Variants in ST3GAL1 observed in about 807,000 individuals in gnomAD.
ST3GAL1 encodes the protein CMP-N-acetylneuraminate-beta-galactosamide-alpha-2,3-sialyltransferase 1.
ST3GAL1 carries 16 observed loss-of-function variants against 34.1 expected under a neutral mutation model. The observed-to-expected ratio is 0.47, with a 90% CI of 0.32 to 0.71. ST3GAL1 has a LOEUF of 0.71. Among genes scored for constraint, ST3GAL1 ranks in the 30% least tolerant of loss-of-function variants. The pLI is 0.04. For missense variants in ST3GAL1, 353 were observed against 447.4 expected (o/e 0.79, Z 1.90); for synonymous variants, 191 against 184.7 (o/e 1.03, Z -0.28).
At chr8:133,486,670 CCTT>C (rs1244418815) in intron 3 of ST3GAL1, among the ~76,000 whole-genome samples, 1 of 152,178 alleles carries the variant, frequency 6.6e-6, no homozygotes, top group African/African-American at 2.4e-5. Context: ...ACATTTCTCT[CCTT>C]ATGTCGATTA....
chr8:133,464,684 C>A (rs1444913391), intron 7 of ST3GAL1, 94 bp downstream of exon 7: 1 of 1,426,736 alleles, frequency 7.0e-7, no homozygotes, highest in Non-Finnish European at 9.5e-7. Flanking sequence ...GGGAGGCACC[C>A]CGGTGGAGGC....
At chr8:133,488,878 A>G (rs1284294992) in intron 3 of ST3GAL1, among the ~76,000 whole-genome samples, 1 of 151,622 alleles carries the variant, frequency 6.6e-6, no homozygotes, top group Non-Finnish European at 1.5e-5. Context: ...AGGGGGGGCC[A>G]GGCAAGGTCT....
chr8:133,466,212 G>A lies in ST3GAL1; in HGVS notation c.307-122C>T. 1 of 996,016 alleles carries A rather than the reference G, an allele frequency of 1.0e-6. No individual in the cohort carries two copies. The highest frequency in any genetic ancestry group is 1.5e-6 in the Non-Finnish European group (1 of 688,222). 61.7% of individuals were successfully genotyped at this position (996,016 alleles called of 1,614,324 possible). On this transcript the variant is annotated intron_variant, in intron 5 of 9. Coordinates refer to ENST00000522652, the MANE Select transcript of ST3GAL1 (RefSeq NM_173344.3). The surrounding 1 kb of genome is among the most constrained non-coding windows in gnomAD (Gnocchi z 4.4). The stretch of plus-strand genomic sequence containing the variant: ...CTCCTGTTCACCCTTCTCTCTGCTG[G>A]GCCCCCGGAGATGGAGGCGGCTCAC...
rs533966224 is a variant in ST3GAL1 at position 133,469,512 on chromosome 8, C to A, written c.307-3422G>T. Among the ~76,000 whole-genome samples, 1 of 152,288 alleles carries A rather than the reference C, an allele frequency of 6.6e-6. No homozygotes were observed. Among genetic ancestry groups the A allele is most frequent in the Admixed American group, 6.5e-5 (1 of 15,312 alleles). The stretch of plus-strand genomic sequence containing the variant: ...GGGATTATAGGTGTGAGCCACCATG[C>A]CTGGCCAAATAATAAAAATAAACTT... On this transcript the variant is annotated intron_variant, in intron 5 of 9. Transcript: ENST00000522652. This position sits in a 1 kb window ranked among gnomAD's most constrained non-coding sequence, Gnocchi z 4.3.
intron 1 of ST3GAL1, among the ~76,000 whole-genome samples, chr8:133,565,636 G>A (rs1167211831): frequency 6.6e-6 from 1 of 152,198 alleles, no homozygotes; most frequent in Non-Finnish European, 1.5e-5. Context: ...ACTACTGGGT[G>A]TACATTAAAC....
intron 1 of ST3GAL1, among the ~76,000 whole-genome samples, chr8:133,552,020 G>T (rs1201056096): frequency 1.3e-5 from 2 of 152,184 alleles, no homozygotes; most frequent in Non-Finnish European, 2.9e-5. Context: ...TGTAAAGTCT[G>T]GGACTAACAC....
chr8:133,562,569 A>C (rs1347398519), intron 1 of ST3GAL1, among the ~76,000 whole-genome samples: 1 of 151,990 alleles, frequency 6.6e-6, no homozygotes, highest in Non-Finnish European at 1.5e-5. Context: ...CTGAGGGCCA[A>C]CTCGGGTCAG....
intron 2 of ST3GAL1, among the ~76,000 whole-genome samples, chr8:133,499,686 A>G (rs1304414902): frequency 6.6e-6 from 1 of 152,154 alleles, no homozygotes; most frequent in Non-Finnish European, 1.5e-5. Context: ...CCTTTCACAT[A>G]CATTATTTAG....
chr8:133,455,315 G>A lies in ST3GAL1; in HGVS notation c.*4449C>T, dbSNP rs1815259003. On this transcript the variant is annotated 3_prime_UTR_variant, in exon 10 of 10. Transcript: ENST00000522652. The stretch of plus-strand genomic sequence containing the variant: ...GATCGCTTGACGGGCTGGGAGGGAG[G>A]ACAGGAGGTGTAAAGGTGGCTCACC... The A allele has an allele frequency of 6.6e-6, 1 of 152,492 alleles. No individual in the cohort carries two copies. 9.4% of individuals were successfully genotyped at this position (152,492 alleles called of 1,614,324 possible). A position where few individuals can be genotyped will look rare whatever the true frequency, so the allele number is the denominator to read the frequency against.
chr8:133,562,841 C>T (rs10586855), intron 1 of ST3GAL1, among the ~76,000 whole-genome samples: 24,544 of 81,802 alleles, frequency 0.3, 2,810 homozygotes, highest in Middle Eastern at 0.43. Context: ...TTCCTTCCTT[C>T]CTTTCTTTCT....
rs572075965 is a variant in ST3GAL1, at chr8:133,511,867, C to A, written c.-428-12678G>T. Among the ~76,000 whole-genome samples the A allele has an allele frequency of 3.9e-5, 6 of 152,154 alleles. No homozygotes were observed. In the East Asian group the frequency reaches 1.2e-3, roughly 29 times the overall value. On this transcript the variant is annotated intron_variant, in intron 2 of 9. Coordinates refer to ENST00000522652, the MANE Select transcript of ST3GAL1 (RefSeq NM_173344.3). ...AAGAGATTGAGATCATTCTGGCCAA[C>A]GTGGTGAAACCCCATCTCTACTAAA... is the stretch of plus-strand genomic sequence containing the variant.
At chr8:133,491,001 C>T (rs1236781191) in intron 3 of ST3GAL1, among the ~76,000 whole-genome samples, 2 of 152,054 alleles carry the variant, frequency 1.3e-5, no homozygotes, top group African/African-American at 2.4e-5. Context: ...GAGAACCCTT[C>T]GATGTGCTTG....
intron 2 of ST3GAL1, among the ~76,000 whole-genome samples, chr8:133,524,082 G>A (rs1817890746): frequency 6.6e-6 from 1 of 152,162 alleles, no homozygotes; most frequent in Admixed American, 6.5e-5. Flanking sequence ...TCATGGTTTT[G>A]TTACACAGCA....
intron 2 of ST3GAL1, among the ~76,000 whole-genome samples, chr8:133,531,539 C>G (rs1156566380): frequency 6.6e-6 from 1 of 152,056 alleles, no homozygotes; most frequent in East Asian, 1.9e-4. Flanking sequence ...GCAAGTGGAT[C>G]CAGGATGCAG....
intron 5 of ST3GAL1, among the ~76,000 whole-genome samples, chr8:133,472,003 G>A (rs546204118): frequency 3.3e-5 from 5 of 152,132 alleles, no homozygotes; most frequent in African/African-American, 9.6e-5. Flanking sequence ...GACATGGCTT[G>A]TCTCTGAATT....
chr8:133,496,193 G>A (rs1275336717), intron 3 of ST3GAL1, among the ~76,000 whole-genome samples: 1 of 152,162 alleles, frequency 6.6e-6, no homozygotes, highest in East Asian at 1.9e-4. Flanking sequence ...AGATAAAATT[G>A]CATCCTGAGT....
intron 2 of ST3GAL1, among the ~76,000 whole-genome samples, chr8:133,540,782 T>TATATATATATAGAC (rs1563733943): frequency 2.7e-3 from 56 of 20,674 alleles, no homozygotes; most frequent in South Asian, 7.2e-3. Context: ...TATAGAGACA[T>TATATATATATAGAC]ATATATATAT....
chr8:133,525,092 A>C (rs1260006330), intron 2 of ST3GAL1, among the ~76,000 whole-genome samples: 1 of 152,250 alleles, frequency 6.6e-6, no homozygotes, highest in Non-Finnish European at 1.5e-5. Flanking sequence ...ATGTCCAGGA[A>C]GAATGAGGTA....
In ST3GAL1 at chr8:133,457,424, T is replaced by A. The variant is rs1815340813; in HGVS notation, c.*2340A>T. ...GAGATAGCATCGCTCTCTGTATCAG[T>A]GTCTGATGATCTGGAGTCTGCCCCT... On this transcript the variant is annotated 3_prime_UTR_variant, in exon 10 of 10. Coordinates refer to ENST00000522652, the MANE Select transcript of ST3GAL1 (RefSeq NM_173344.3). 1 of 152,198 alleles carries A rather than the reference T, an allele frequency of 6.6e-6. No individual in the cohort carries two copies. The highest frequency in any genetic ancestry group is 1.5e-5 in the Non-Finnish European group (1 of 68,044). The allele number at this position is 152,198 out of a possible 1,614,324, so 9.4% of individuals were successfully genotyped here.
Sources: allele counts gnomAD v4.1 joint callset (sites outside exome capture counted in the v4.1 genomes callset), GRCh38; gene constraint gnomAD v4.1.1; non-coding constraint Gnocchi (gnomAD v3.1); transcripts MANE v1.5; gene names NCBI Gene and HGNC (gene_info 2026-07-23, HGNC 2026-07-21).